GRK5: variants seen among roughly 807,000 people sequenced by gnomAD.
GRK5 encodes g protein-coupled receptor kinase GRK5.
A neutral mutation model predicts 78.4 loss-of-function variants in GRK5; 40 were observed. The observed-to-expected ratio is 0.51, with a 90% CI of 0.40 to 0.66. The LOEUF (loss-of-function observed/expected upper bound fraction) is 0.66. GRK5 is among the 30% of genes least tolerant of loss of function. The probability of loss-of-function intolerance (pLI) is 0.00; values close to 1 mark genes in which losing one functional copy is unlikely to be tolerated. For missense variants in GRK5, 598 were observed against 759.9 expected, an observed-to-expected ratio of 0.79 and a Z score of 2.50; for synonymous variants, 289 against 296.8, an observed-to-expected ratio of 0.97 and a Z score of 0.27.
At chr10:119,442,397 T>C (rs1485606415) in intron 11 of GRK5, among the ~76,000 whole-genome samples, 1 of 152,134 alleles carries the variant, frequency 6.6e-6, no homozygotes, top group Admixed American at 6.5e-5. Flanking sequence ...GGAGGCCACA[T>C]TGAAGCAGGG....
chr10:119,317,887 T>A (rs1850519030), intron 1 of GRK5, among the ~76,000 whole-genome samples: 1 of 152,126 alleles, frequency 6.6e-6, no homozygotes, highest in Non-Finnish European at 1.5e-5. Flanking sequence ...TCTCTTGACT[T>A]ACAGCAGTGG....
rs2230346 is a variant in GRK5 at position 119,380,852 on chromosome 10, C to T, written c.186C>T (p.Ile62=). 503 of 1,613,140 alleles carry T rather than the reference C, an allele frequency of 3.1e-4. 9 individuals carry two copies. In the East Asian group the frequency reaches 9.5e-3, roughly 30 times the overall value. Residue 62 remains isoleucine, a synonymous_variant, in exon 3 of 16, where the codon ATC becomes ATT. Transcript: ENST00000392870. ...GCAGTTTATGTGACAAGCAGCCAAT[C>T]GGGAGGCTGCTTTTCCGGCAGTTTT... ...DYCSLCDKQP[I]GRLLFRQFCE...
intron 1 of GRK5, among the ~76,000 whole-genome samples, chr10:119,272,319 G>A (rs910139980): frequency 6.6e-6 from 1 of 152,204 alleles, no homozygotes; most frequent in Non-Finnish European, 1.5e-5. Context: ...GCTCACGCCT[G>A]TAATCCCAGC....
chr10:119,273,899 A>C (rs889140595), intron 1 of GRK5, among the ~76,000 whole-genome samples: 1 of 152,024 alleles, frequency 6.6e-6, no homozygotes, highest in Non-Finnish European at 1.5e-5. Context: ...TCAGCCTCCC[A>C]AGTAGCTGGG....
chr10:119,399,217 C>T (rs933201577), intron 4 of GRK5, among the ~76,000 whole-genome samples: 2 of 152,216 alleles, frequency 1.3e-5, no homozygotes, highest in Non-Finnish European at 2.9e-5. Context: ...TATGTTACGG[C>T]CAGGGAGGCC....
At chr10:119,218,294 C>T (rs541378845) in intron 1 of GRK5, among the ~76,000 whole-genome samples, 1 of 152,128 alleles carries the variant, frequency 6.6e-6, no homozygotes, top group African/African-American at 2.4e-5. Context: ...AGGTGTAGCT[C>T]TAAACTTACC....
At chr10:119,280,929 G>A (rs529065940) in intron 1 of GRK5, among the ~76,000 whole-genome samples, 3 of 151,978 alleles carry the variant, frequency 2.0e-5, no homozygotes, top group African/African-American at 2.4e-5. Flanking sequence ...ACAGGCGTGC[G>A]CCACCACGCC....
chr10:119,428,381 G>A (rs943537851), intron 6 of GRK5, among the ~76,000 whole-genome samples: 1 of 152,224 alleles, frequency 6.6e-6, no homozygotes, highest in Non-Finnish European at 1.5e-5. Flanking sequence ...TGGAGCAGTA[G>A]GTATTGTTAC....
chr10:119,306,532 C>T (rs1850274162), intron 1 of GRK5, among the ~76,000 whole-genome samples: 1 of 152,132 alleles, frequency 6.6e-6, no homozygotes, highest in South Asian at 2.1e-4. Flanking sequence ...GTGTCCAAAC[C>T]CACACTGAGA....
intron 2 of GRK5, among the ~76,000 whole-genome samples, chr10:119,366,682 G>A (rs915668314): frequency 6.6e-6 from 1 of 152,190 alleles, no homozygotes; most frequent in African/African-American, 2.4e-5. Flanking sequence ...CCCTGGACCT[G>A]AGGAAATTGA....
In GRK5 at chr10:119,380,957, G is replaced by A. The variant is rs768000266; in HGVS notation, c.261+30G>A. 3 of 1,298,636 alleles carry A rather than the reference G, an allele frequency of 2.3e-6. No individual in the cohort carries two copies. In the East Asian group the frequency reaches 7.0e-5, roughly 30 times the overall value. The allele number at this position is 1,298,636 out of a possible 1,614,324, so 80.4% of individuals were successfully genotyped here. ...GTTCCTGCTCCTGAGGGATGGTCCT[G>A]TGGTCCTCTGTGATCAGTGATTGTT... On this transcript the variant is annotated intron_variant, in intron 3 of 15. Coordinates refer to ENST00000392870, the MANE Select transcript of GRK5 (RefSeq NM_005308.3).
chr10:119,361,536 A>G (rs575004240), intron 2 of GRK5, among the ~76,000 whole-genome samples: 20 of 152,224 alleles, frequency 1.3e-4, no homozygotes, highest in Non-Finnish European at 7.3e-5. Flanking sequence ...GTGAGGGAAG[A>G]AGTTAATTAA....
intron 1 of GRK5, among the ~76,000 whole-genome samples, chr10:119,247,699 T>A (rs1003113288): frequency 2.6e-5 from 4 of 152,246 alleles, no homozygotes; most frequent in Non-Finnish European, 1.5e-5. Flanking sequence ...CTGCCATAAT[T>A]AATTGTAACC....
chr10:119,448,058 A>G, intron 12 of GRK5, 65 bp from the exon 13 acceptor site: 1 of 1,471,866 alleles, frequency 6.8e-7, no homozygotes, highest in Non-Finnish European at 9.0e-7. Context: ...GACACTGTGG[A>G]GGCAGGAGGT....
rs771102579 is a variant in GRK5, at chr10:119,271,718, GT to G, written c.53-54796del. On this transcript the variant is annotated intron_variant, in intron 1 of 15. Transcript: ENST00000392870. The surrounding 1 kb of genome is among the most constrained non-coding windows in gnomAD (Gnocchi z 4.1). ...GGAAAAACAGGTGTGTGAGCACTAGGTTGGTGACGAGGTTTAGCAGCAGGTG... is the reference window on the plus strand; with the variant it reads ...GGAAAAACAGGTGTGTGAGCACTAGGTGGTGACGAGGTTTAGCAGCAGGTG... Among the ~76,000 whole-genome samples, 13 of 152,210 alleles carry G rather than the reference GT, an allele frequency of 8.5e-5. No individual in the cohort carries two copies. The highest frequency in any genetic ancestry group is 1.9e-4 in the Non-Finnish European group (13 of 68,032).
chr10:119,207,786 A>T lies in GRK5; in HGVS notation c.-132A>T. Reference sequence around the variant, plus strand: ...GGGCTGAGAGCAGGAATAATGCGGTAGGCAAGGCGGGCTGCTGGCTCCCCC... The same window carrying T: ...GGGCTGAGAGCAGGAATAATGCGGTTGGCAAGGCGGGCTGCTGGCTCCCCC... On this transcript the variant is annotated 5_prime_UTR_variant, in exon 1 of 16. The change abolishes the stop of an existing upstream ORF in the 5' untranslated region. Transcript: ENST00000392870. 2 of 820,874 alleles carry T rather than the reference A, an allele frequency of 2.4e-6. No individual in the cohort carries two copies. Among genetic ancestry groups the T allele is most frequent in the Non-Finnish European group, 3.7e-6 (2 of 535,460 alleles). 50.8% of individuals were successfully genotyped at this position (820,874 alleles called of 1,614,324 possible). A position where few individuals can be genotyped will look rare whatever the true frequency, so the allele number is the denominator to read the frequency against.
intron 4 of GRK5, among the ~76,000 whole-genome samples, chr10:119,418,965 CA>C (rs2133879311): frequency 6.6e-6 from 1 of 152,332 alleles, no homozygotes; most frequent in South Asian, 2.1e-4. Flanking sequence ...GGAAGCGTGG[CA>C]CCCCTGACCA....
At chr10:119,209,215 T>G (rs1190274230) in intron 1 of GRK5, among the ~76,000 whole-genome samples, 5 of 152,332 alleles carry the variant, frequency 3.3e-5, no homozygotes. Context: ...GGGTAGGTGA[T>G]GCATAGCCTT....
chr10:119,399,798 A>G (rs1232799067), intron 4 of GRK5, among the ~76,000 whole-genome samples: 2 of 152,164 alleles, frequency 1.3e-5, no homozygotes, highest in Non-Finnish European at 2.9e-5. Context: ...AACACATCCA[A>G]GAGCCTCACG....
Sources: gnomAD v4.1 joint callset for allele counts (sites outside exome capture counted in the v4.1 genomes callset) on GRCh38, gnomAD v4.1.1 for gene constraint, Gnocchi (gnomAD v3.1) non-coding constraint, MANE v1.5 for transcripts, NCBI Gene and HGNC (gene_info 2026-07-23, HGNC 2026-07-21) for gene names.